Variants in SNRPN observed in about 807,000 individuals in gnomAD.
SNRPN encodes small nuclear ribonucleoprotein polypeptide N.
In SNRPN, 7 loss-of-function variants were observed where a neutral mutation model predicts 25.2. The ratio of observed to expected loss-of-function variants is 0.28; its 90% CI spans 0.16 to 0.52. The LOEUF (loss-of-function observed/expected upper bound fraction) is 0.52, where lower values mean the gene tolerates loss of function less well. SNRPN is among the 20% of genes least tolerant of loss of function. The probability of loss-of-function intolerance (pLI) is 0.96; values close to 1 mark genes in which losing one functional copy is unlikely to be tolerated. For missense variants in SNRPN, 196 were observed against 322.5 expected, an observed-to-expected ratio of 0.61 and a Z score of 3.00; for synonymous variants, 124 against 110.6, an observed-to-expected ratio of 1.12 and a Z score of -0.76.
chr15:24,927,076 ATTAT>A (rs2060432254), intron 3 of SNRPN, among the ~76,000 whole-genome samples: 1 of 152,062 alleles, frequency 6.6e-6, no homozygotes, highest in African/African-American at 2.4e-5. Context: ...ATTTTTTCAC[ATTAT>A]TTAATCAATT....
chr15:24,913,269 C>T (rs761164394), intron 2 of SNRPN, among the ~76,000 whole-genome samples: 13 of 152,176 alleles, frequency 8.5e-5, no homozygotes, highest in Admixed American at 3.3e-4. Flanking sequence ...AGCAGTACAA[C>T]GGACTAAGAT....
rs533834049 is a variant in SNRPN at position 24,827,502 on chromosome 15, C to T, written c.-686-2296C>T. Among the ~76,000 whole-genome samples, 66 of 118,558 alleles carry T rather than the reference C, an allele frequency of 5.6e-4. 3 individuals carry two copies. The East Asian group carries it at 0.014, about 25-fold the overall frequency. 77.8% of individuals were successfully genotyped at this position (118,558 alleles called of 152,430 possible). A position where few individuals can be genotyped will look rare whatever the true frequency, so the allele number is the denominator to read the frequency against. On this transcript the variant is annotated intron_variant, in intron 1 of 12. Coordinates refer to the SNRPN transcript ENST00000400100. ...CTGCACTCTGGCCTGGGTGAAAGAG[C>T]GAGACTCTGTCTCAAAAAAAAAAAA...
intron 1 of SNRPN, among the ~76,000 whole-genome samples, chr15:24,870,027 T>C (rs2054939379): frequency 6.6e-6 from 1 of 152,206 alleles, no homozygotes; most frequent in Non-Finnish European, 1.5e-5. Flanking sequence ...TGTTCCATTG[T>C]TGGCCATTGG....
In SNRPN at chr15:24,928,457, TAAATG is replaced by T. The variant is rs377227694; in HGVS notation, c.-391+8338_-391+8342del. 3.6e-4 allele frequency among the ~76,000 whole-genome samples: 55 copies of T among 152,092 alleles called. 1 individual carries two copies. Among genetic ancestry groups the T allele is most frequent in the African/African-American group, 1.3e-3 (52 of 41,514 alleles). ...TGGATGGAACTGGAGGACATTATGT[TAAATG>T]AAATAAGCCAGGCACAGAAATATAA... On this transcript the variant is annotated intron_variant, in intron 3 of 11. Transcript: ENST00000400097.
chr15:24,961,960 T>A (rs1301986311), intron 1 of SNRPN, among the ~76,000 whole-genome samples, 154 bp from the exon 2 acceptor site: 2 of 152,228 alleles, frequency 1.3e-5, no homozygotes, highest in Non-Finnish European at 2.9e-5. Context: ...ATTATGACTG[T>A]TTGAAGGTTA....
At chr15:24,828,868 G>A (rs2050287756) in intron 1 of SNRPN, among the ~76,000 whole-genome samples, 1 of 152,084 alleles carries the variant, frequency 6.6e-6, no homozygotes, top group Non-Finnish European at 1.5e-5. Context: ...GAAAGAATAG[G>A]TGCAGATGAT....
At chr15:24,898,990 G>A (rs1377992687) in intron 2 of SNRPN, among the ~76,000 whole-genome samples, 3 of 152,156 alleles carry the variant, frequency 2.0e-5, no homozygotes, top group Admixed American at 6.5e-5. Flanking sequence ...CAGCTGTGAT[G>A]GTTTAGCATT....
chr15:24,894,451 C>A (rs11855703), intron 2 of SNRPN, among the ~76,000 whole-genome samples: 49,878 of 151,862 alleles, frequency 0.33, 8,493 homozygotes, highest in East Asian at 0.42. Context: ...GATCTCCTGA[C>A]CTCGTGATCC....
intron 2 of SNRPN, among the ~76,000 whole-genome samples, chr15:24,907,630 T>C (rs1204136529): frequency 2.6e-5 from 4 of 151,540 alleles, no homozygotes; most frequent in African/African-American, 9.7e-5. Flanking sequence ...TGAAATGTAA[T>C]CTTCAGTGAA....
intron 2 of SNRPN, among the ~76,000 whole-genome samples, chr15:24,891,923 AAC>A (rs1259400778): frequency 3.3e-5 from 5 of 152,202 alleles, no homozygotes; most frequent in African/African-American, 7.2e-5. Flanking sequence ...TTTTATATGT[AAC>A]AGTTATCTCT....
rs201972973 is a variant in SNRPN at position 24,833,757 on chromosome 15, AGAGAG to A, written c.-579+3854_-579+3858del. ...AGGTGAGGTGCAGAGCTACGCAGGA[AGAGAG>A]GTTGTTGTTTAATGCAAATTAAGTC... On this transcript the variant is annotated intron_variant, in intron 2 of 12. Transcript: ENST00000400100. Among the ~76,000 whole-genome samples the A allele has an allele frequency of 9.0e-3, 1,372 of 152,118 alleles. 38 individuals are homozygous for A. The highest frequency in any genetic ancestry group is 0.031 in the African/African-American group (1,291 of 41,422).
intron 2 of SNRPN, chr15:24,908,849 C>A: frequency 1.7e-6 from 1 of 594,234 alleles, no homozygotes; most frequent in Admixed American, 3.4e-5. Context: ...GCTTTTTAAT[C>A]TTTTTTTCTT....
intron 2 of SNRPN, among the ~76,000 whole-genome samples, chr15:24,963,803 C>T (rs1447638141): frequency 6.6e-6 from 1 of 151,810 alleles, no homozygotes; most frequent in Non-Finnish European, 1.5e-5. Flanking sequence ...TGTTGGGAGG[C>T]TGAGGTGGAT....
At chr15:24,923,441 G>GTACCT (rs1008627197) in intron 3 of SNRPN, among the ~76,000 whole-genome samples, 2 of 152,132 alleles carry the variant, frequency 1.3e-5, no homozygotes, top group African/African-American at 4.8e-5. Context: ...AAAACCATGT[G>GTACCT]TACCTTACAC....
At chr15:24,897,732 G>GGGA (rs2058166219) in intron 2 of SNRPN, among the ~76,000 whole-genome samples, 2 of 152,138 alleles carry the variant, frequency 1.3e-5, no homozygotes, top group African/African-American at 4.8e-5. Flanking sequence ...TAGATCTGAT[G>GGGA]CTTTTATAAA....
intron 2 of SNRPN, chr15:24,849,162 A>T (rs1399340179): frequency 2.0e-5 from 3 of 152,220 alleles, no homozygotes; most frequent in African/African-American, 7.2e-5. Context: ...TGATTTCCTG[A>T]CTTCGTGATC....
At chr15:24,950,893 GCT>G (rs2062213836), upstream of SNRPN, among the ~76,000 whole-genome samples, 1 of 148,790 alleles carries the variant, frequency 6.7e-6, no homozygotes, top group Admixed American at 6.7e-5. Context: ...ACGGAGTCCT[GCT>G]CTGTCGCCCA....
At chr15:24,834,307 C>T (rs2050822575) in intron 2 of SNRPN, among the ~76,000 whole-genome samples, 1 of 151,968 alleles carries the variant, frequency 6.6e-6, no homozygotes, top group Admixed American at 6.5e-5. Flanking sequence ...TCTTCCTGGA[C>T]TTGGGAGTGG....
Position 24,978,649 on chromosome 15 carries a change from GT to G in SNRPN, c.*206del. ...AGATCTTAAGTTACTGTGGATGAGG[GT>G]GATGCCTATTAAGCAGTTGATTCAA... On this transcript the variant is annotated 3_prime_UTR_variant, in exon 10 of 10. Coordinates refer to ENST00000390687, the MANE Select transcript of SNRPN (RefSeq NM_003097.6). The G allele has an allele frequency of 1.6e-6, 1 of 610,148 alleles. No homozygotes were observed. The highest frequency in any genetic ancestry group is 2.9e-6 in the Non-Finnish European group (1 of 344,580). The allele number at this position is 610,148 out of a possible 1,614,324, so 37.8% of individuals were successfully genotyped here. A position where few individuals can be genotyped will look rare whatever the true frequency, so the allele number is the denominator to read the frequency against.
Sources: allele counts gnomAD v4.1 joint callset (sites outside exome capture counted in the v4.1 genomes callset), GRCh38; gene constraint gnomAD v4.1.1; transcripts MANE v1.5; gene names NCBI Gene and HGNC (gene_info 2026-07-23, HGNC 2026-07-21).